PTPRD: variants seen among roughly 807,000 people sequenced by gnomAD.
The protein encoded by PTPRD is receptor-type tyrosine-protein phosphatase delta.
Under a neutral mutation model 214.5 loss-of-function variants are expected in PTPRD, and 34 were observed. The ratio of observed to expected loss-of-function variants is 0.16; its 90% CI spans 0.12 to 0.21. The LOEUF (loss-of-function observed/expected upper bound fraction) is 0.21, where lower values mean the gene tolerates loss of function less well. PTPRD is among the 10% of genes least tolerant of loss of function. PTPRD has a pLI of 1.00. For synonymous variants in PTPRD, 1,128 were observed against 845.7 expected, an observed-to-expected ratio of 1.33 and a Z score of -5.79; for missense variants, 2,545 against 2,398.7, an observed-to-expected ratio of 1.06 and a Z score of -1.27.
chr9:9,590,463 A>C (rs1448448157), intron 7 of PTPRD, among the ~76,000 whole-genome samples: 1 of 152,056 alleles, frequency 6.6e-6, no homozygotes, highest in Admixed American at 6.6e-5. Context: ...TTTTTGTATG[A>C]ACATTATAAA....
At chr9:9,270,655 G>A (rs1569566299) in intron 9 of PTPRD, among the ~76,000 whole-genome samples, 1 of 151,278 alleles carries the variant, frequency 6.6e-6, no homozygotes, top group East Asian at 2.0e-4. Flanking sequence ...GTTATTTAGG[G>A]GATCCCATGA....
intron 3 of PTPRD, among the ~76,000 whole-genome samples, chr9:10,311,202 C>G (rs1307532972): frequency 6.6e-6 from 1 of 151,910 alleles, no homozygotes; most frequent in East Asian, 1.9e-4. Flanking sequence ...TTTACTTATA[C>G]TGTCTTAACT....
intron 2 of PTPRD, among the ~76,000 whole-genome samples, chr9:10,491,625 T>A (rs1300338739): frequency 6.6e-6 from 1 of 151,866 alleles, no homozygotes; most frequent in Non-Finnish European, 1.5e-5. Context: ...TAAAAAAAAA[T>A]TTAGGCCCCA....
intron 11 of PTPRD, among the ~76,000 whole-genome samples, chr9:8,755,253 G>A (rs1054499015): frequency 1.3e-5 from 2 of 151,298 alleles, no homozygotes; most frequent in African/African-American, 2.4e-5. Flanking sequence ...AAACAGGCCA[G>A]GTGCGGTGGC....
At chr9:9,661,156 T>C (rs1273524897) in intron 7 of PTPRD, among the ~76,000 whole-genome samples, 1 of 151,932 alleles carries the variant, frequency 6.6e-6, no homozygotes, top group Non-Finnish European at 1.5e-5. Context: ...ATATTTCCAA[T>C]GAGAGGCTAT....
At chr9:9,429,514 C>A (rs966079413) in intron 8 of PTPRD, among the ~76,000 whole-genome samples, 18 of 152,122 alleles carry the variant, frequency 1.2e-4, no homozygotes, top group African/African-American at 3.9e-4. Flanking sequence ...CTATTCCAAT[C>A]AGTAGAAAAA....
intron 2 of PTPRD, among the ~76,000 whole-genome samples, chr9:10,390,202 T>C (rs557999514): frequency 6.6e-6 from 1 of 151,980 alleles, no homozygotes; most frequent in East Asian, 2.0e-4. Flanking sequence ...CTCTGTATTA[T>C]AGATAAGAAC....
intron 11 of PTPRD, among the ~76,000 whole-genome samples, chr9:8,827,663 C>T (rs1358730697): frequency 3.3e-5 from 5 of 151,838 alleles, no homozygotes; most frequent in African/African-American, 1.2e-4. Flanking sequence ...TCCTTTTTTT[C>T]CCCTCATAAA....
At chr9:10,482,318 C>G (rs2099105312) in intron 2 of PTPRD, among the ~76,000 whole-genome samples, 2 of 151,970 alleles carry the variant, frequency 1.3e-5, no homozygotes, top group South Asian at 4.1e-4. Flanking sequence ...TTACAGTGAG[C>G]CGAGATGGCG....
rs149570349 is a variant in PTPRD, at chr9:10,245,187, T to C, written c.-545+95776A>G. On this transcript the variant is annotated intron_variant, in intron 3 of 45. Coordinates refer to ENST00000381196, the MANE Select transcript of PTPRD (RefSeq NM_002839.4). ...GCTGAGCAAAATGTAGATTCCAACA[T>C]ACCCTGGACCAGTTTTCCTCCAAGG... Among the ~76,000 whole-genome samples the C allele has an allele frequency of 4.1e-3, 631 of 152,152 alleles. 3 individuals are homozygous for C. Among genetic ancestry groups the C allele is most frequent in the Middle Eastern group, 0.041 (12 of 294 alleles).
At chr9:9,466,454 G>C (rs754273984) in intron 8 of PTPRD, among the ~76,000 whole-genome samples, 1 of 152,038 alleles carries the variant, frequency 6.6e-6, no homozygotes, top group Non-Finnish European at 1.5e-5. Context: ...AATCACTGTA[G>C]AAAAAAATAA....
chr9:9,250,801 A>T (rs535956437), intron 9 of PTPRD, among the ~76,000 whole-genome samples: 10 of 152,208 alleles, frequency 6.6e-5, no homozygotes, highest in African/African-American at 1.9e-4. Flanking sequence ...TTATTGGTGA[A>T]AAAAATGAGT....
chr9:9,497,945 T>C (rs1359454664), intron 8 of PTPRD, among the ~76,000 whole-genome samples: 1 of 152,168 alleles, frequency 6.6e-6, no homozygotes, highest in East Asian at 1.9e-4. Context: ...TCAATTTAAA[T>C]GATTCACAGT....
At chr9:10,067,212 T>A (rs2097903191) in intron 3 of PTPRD, among the ~76,000 whole-genome samples, 1 of 151,904 alleles carries the variant, frequency 6.6e-6, no homozygotes, top group South Asian at 2.1e-4. Context: ...ACAGGTCCTT[T>A]GGAGGAGAGC....
At chr9:9,049,354 G>A (rs1311642355) in intron 10 of PTPRD, among the ~76,000 whole-genome samples, 1 of 152,140 alleles carries the variant, frequency 6.6e-6, no homozygotes, top group Non-Finnish European at 1.5e-5. Context: ...AAACTGAATT[G>A]CAAAAAGTGC....
chr9:9,436,889 CA>C lies in PTPRD; in HGVS notation c.-236-39408del, dbSNP rs34882181. Among the ~76,000 whole-genome samples, 159 of 143,846 alleles carry C rather than the reference CA, an allele frequency of 1.1e-3. 1 individual carries two copies. Among genetic ancestry groups the C allele is most frequent in the African/African-American group, 2.0e-3 (77 of 39,268 alleles). 94.4% of individuals were successfully genotyped at this position (143,846 alleles called of 152,430 possible). ...TATATACCAAACAAAGTTACTAAGG[CA>C]AAAAAAAAAAGCCTGTCTACGATAC... On this transcript the variant is annotated intron_variant, in intron 8 of 45. Coordinates refer to ENST00000381196, the MANE Select transcript of PTPRD (RefSeq NM_002839.4).
chr9:10,511,568 T>C (rs1012817026), intron 2 of PTPRD, among the ~76,000 whole-genome samples: 5 of 100,050 alleles, frequency 5.0e-5, no homozygotes, highest in African/African-American at 1.7e-4. Flanking sequence ...CACACCCTGG[T>C]ATTTTTTTTT....
chr9:9,158,455 C>G (rs1254628212), intron 10 of PTPRD, among the ~76,000 whole-genome samples: 2 of 151,986 alleles, frequency 1.3e-5, no homozygotes, highest in Non-Finnish European at 2.9e-5. Flanking sequence ...CAAAAATTAG[C>G]TGGGCATGGT....
chr9:9,652,640 G>C (rs1047026349), intron 7 of PTPRD, among the ~76,000 whole-genome samples: 12 of 147,420 alleles, frequency 8.1e-5, no homozygotes, highest in Non-Finnish European at 6.0e-5. Flanking sequence ...TTGAGATGTA[G>C]TTTCACTCTT....
Sources: allele counts gnomAD v4.1 joint callset (sites outside exome capture counted in the v4.1 genomes callset), GRCh38; gene constraint gnomAD v4.1.1; transcripts MANE v1.5; gene names NCBI Gene and HGNC (gene_info 2026-07-23, HGNC 2026-07-21).